The following FAM83B variants were observed in gnomAD, a reference collection of about 807,000 sequenced individuals.
FAM83B encodes the protein scaffolding CK1 anchoring protein B.
In FAM83B, 26 loss-of-function variants were observed where a neutral mutation model predicts 38.8. That is an observed-to-expected ratio of 0.67 (90% confidence interval 0.49 to 0.93). FAM83B has a LOEUF of 0.93. Ranked by LOEUF, FAM83B falls within the 40% of genes least tolerant of loss-of-function variation. The probability of loss-of-function intolerance (pLI) is 0.00; values close to 1 mark genes in which losing one functional copy is unlikely to be tolerated. For synonymous variants in FAM83B, 419 were observed against 423.1 expected, an observed-to-expected ratio of 0.99 and a Z score of 0.12; for missense variants, 1,237 against 1,197.3, an observed-to-expected ratio of 1.03 and a Z score of -0.49.
At chr6:54,924,485 G>T (rs2127587980) in intron 2 of FAM83B, among the ~76,000 whole-genome samples, 1 of 151,008 alleles carries the variant, frequency 6.6e-6, no homozygotes, top group South Asian at 2.1e-4. Flanking sequence ...TGAGGCTTTT[G>T]CTGTTCCTTC....
intron 3 of FAM83B, among the ~76,000 whole-genome samples, 196 bp downstream of exon 3, chr6:54,926,731 G>T (rs1561927618): frequency 6.6e-6 from 1 of 151,938 alleles, no homozygotes; most frequent in African/African-American, 2.4e-5. Context: ...CTTCATGGGA[G>T]TGTTTGTTTG....
At chr6:54,927,380 G>T in intron 3 of FAM83B, 128 bp from the exon 4 acceptor site, 2 of 609,336 alleles carry the variant, frequency 3.3e-6, no homozygotes, top group Non-Finnish European at 5.2e-6. Context: ...TTAATATTTG[G>T]GAGTTTTTTT....
chr6:54,915,153 A>G (rs2127585620), intron 2 of FAM83B, among the ~76,000 whole-genome samples: 1 of 152,132 alleles, frequency 6.6e-6, no homozygotes, highest in East Asian at 1.9e-4. Context: ...AGATGGGTAG[A>G]TGTGTGGATG....
chr6:54,902,446 C>A (rs1333806210), intron 2 of FAM83B, among the ~76,000 whole-genome samples: 2 of 152,046 alleles, frequency 1.3e-5, no homozygotes, highest in African/African-American at 4.8e-5. Context: ...CGAATTTCTT[C>A]TTTTCTGGGG....
chr6:54,867,454 C>T (rs1771737653), intron 1 of FAM83B, among the ~76,000 whole-genome samples: 1 of 151,908 alleles, frequency 6.6e-6, no homozygotes, highest in Non-Finnish European at 1.5e-5. Context: ...TCCACCAGAA[C>T]AATATAAAGT....
At chr6:54,916,940 T>C (rs58020207) in intron 2 of FAM83B, among the ~76,000 whole-genome samples, 12,809 of 152,196 alleles carry the variant, frequency 0.084, 1,788 homozygotes, top group African/African-American at 0.29. Context: ...AGTGCTTTCA[T>C]TTGTTGACAT....
In FAM83B at chr6:54,941,604, T is replaced by C. The variant is rs751299690; in HGVS notation, c.2633T>C (p.Leu878Ser). ...CCAGGTCCAGTTGAAAGCAAGTTCT[T>C]GGAAAGGGCAGGAGATGCCTCTGCC... ...PSPGPVESKF[L>S]ERAGDASAPR... is the part of the protein sequence containing the mutation. Residue 878 changes from leucine (L) to serine (S), a missense_variant, in exon 5 of 5, where the codon TTG (leucine) becomes TCG (serine). Coordinates refer to ENST00000306858, the MANE Select transcript of FAM83B (RefSeq NM_001010872.3). The C allele has an allele frequency of 8.1e-6, 13 of 1,614,064 alleles. 1 individual carries two copies. The South Asian group carries it at 1.4e-4, about 18-fold the overall frequency.
intron 1 of FAM83B, among the ~76,000 whole-genome samples, chr6:54,849,103 C>A (rs1771205877): frequency 6.6e-6 from 1 of 152,200 alleles, no homozygotes; most frequent in Admixed American, 6.5e-5. Context: ...CAGAATACAT[C>A]CGCTCCCCCA....
Position 54,940,515 on chromosome 6 carries a change from C to A in FAM83B, c.1544C>A (p.Ala515Asp), listed in dbSNP as rs2127591664. The change falls in exon 5 of 5, where the codon GCT becomes GAT. Residue 515 changes from alanine (A) to aspartate (D), a missense_variant. Transcript: ENST00000306858. ...SEATPDSNGSALGDRFEGYDN... is the reference protein window; with the variant it reads ...SEATPDSNGSDLGDRFEGYDN... Reference sequence around the variant, plus strand: ...GCTACACCGGACTCAAATGGATCAGCTTTAGGTGACCGATTTGAGGGCTAT... The same window carrying A: ...GCTACACCGGACTCAAATGGATCAGATTTAGGTGACCGATTTGAGGGCTAT... The A allele has an allele frequency of 6.2e-7, 1 of 1,614,078 alleles. No homozygotes were observed. Among genetic ancestry groups the A allele is most frequent in the Middle Eastern group, 1.6e-4 (1 of 6,062 alleles).
chr6:54,937,174 T>C (rs1773540304), intron 4 of FAM83B, among the ~76,000 whole-genome samples: 2 of 151,852 alleles, frequency 1.3e-5, no homozygotes, highest in Non-Finnish European at 2.9e-5. Context: ...CATTGTGTCA[T>C]ATACATTACT....
At chr6:54,926,166 T>C (rs575793920) in intron 2 of FAM83B, among the ~76,000 whole-genome samples, 1 of 152,332 alleles carries the variant, frequency 6.6e-6, no homozygotes, top group African/African-American at 2.4e-5. Flanking sequence ...TGAAAATGAC[T>C]TAGTGTACAA....
intron 4 of FAM83B, among the ~76,000 whole-genome samples, chr6:54,928,725 A>C (rs1463615602): frequency 1.3e-5 from 2 of 152,168 alleles, no homozygotes; most frequent in African/African-American, 4.8e-5. Flanking sequence ...TGAACTTTTA[A>C]TTAAAATTGA....
chr6:54,903,778 A>G (rs567845734), intron 2 of FAM83B, among the ~76,000 whole-genome samples: 32 of 151,798 alleles, frequency 2.1e-4, no homozygotes, highest in Admixed American at 1.3e-4. Context: ...GTTACATACT[A>G]TTTTATTCTA....
chr6:54,873,232 G>A (rs1216449832), intron 2 of FAM83B, among the ~76,000 whole-genome samples: 1 of 151,766 alleles, frequency 6.6e-6, no homozygotes, highest in African/African-American at 2.4e-5. Flanking sequence ...AGTCAAATTG[G>A]TTATCTTTGC....
intron 1 of FAM83B, among the ~76,000 whole-genome samples, chr6:54,862,291 C>T (rs531285067): frequency 1.7e-4 from 26 of 152,264 alleles, no homozygotes; most frequent in Non-Finnish European, 3.8e-4. Context: ...CCAGTCTGGG[C>T]TGAGCACAGT....
At chr6:54,912,524 C>T (rs893820718) in intron 2 of FAM83B, among the ~76,000 whole-genome samples, 18 of 151,226 alleles carry the variant, frequency 1.2e-4, no homozygotes, top group African/African-American at 4.4e-4. Context: ...CTACATCTTA[C>T]AGCCCAATTG....
In FAM83B at chr6:54,939,922, C is replaced by T. The variant is rs1437651684; in HGVS notation, c.951C>T (p.Ser317=). ...CGGTGTCTTCATTAGCATCTGTTTC[C>T]AGCCAGAGAAACCTTTTTGGTAGAC... ...QHSVSSLASV[S]SQRNLFGRQD... Residue 317 remains serine, a synonymous_variant, in exon 5 of 5, where the codon TCC becomes TCT. Transcript: ENST00000306858. 3.7e-6 allele frequency: 6 copies of T among 1,613,890 alleles called. No homozygotes were observed. The highest frequency in any genetic ancestry group is 3.3e-5 in the Admixed American group (2 of 59,958).
At chr6:54,876,521 C>T (rs918552106) in intron 2 of FAM83B, among the ~76,000 whole-genome samples, 7 of 151,338 alleles carry the variant, frequency 4.6e-5, no homozygotes, top group East Asian at 1.9e-4. Context: ...GACAGGGTTT[C>T]GTCATGTTGG....
intron 2 of FAM83B, among the ~76,000 whole-genome samples, chr6:54,921,403 A>T (rs1052116296): frequency 6.6e-6 from 1 of 151,856 alleles, no homozygotes; most frequent in Non-Finnish European, 1.5e-5. Context: ...GTACTGTAAG[A>T]AAGATAAGTG....
Sources: allele counts gnomAD v4.1 joint callset (sites outside exome capture counted in the v4.1 genomes callset), GRCh38; gene constraint gnomAD v4.1.1; transcripts MANE v1.5; gene names NCBI Gene and HGNC (gene_info 2026-07-23, HGNC 2026-07-21).